The following PCDHGA8 variants were observed in gnomAD, a reference collection of about 807,000 sequenced individuals.
PCDHGA8 encodes the protein protocadherin gamma subfamily A, 8.
PCDHGA8 carries 45 observed loss-of-function variants against 59.2 expected under a neutral mutation model. The observed-to-expected ratio is 0.76, with a 90% confidence interval of 0.60 to 0.98. The LOEUF (loss-of-function observed/expected upper bound fraction) is 0.98. PCDHGA8 is among the 50% of genes least tolerant of loss of function. PCDHGA8 has a pLI of 0.00. For missense variants in PCDHGA8, 1,257 were observed against 1,196.2 expected (o/e 1.05, Z -0.75); for synonymous variants, 531 against 519.0 (o/e 1.02, Z -0.32).
chr5:141,510,847 AG>A, intron 3 of PCDHGA8, 99 bp from the exon 4 acceptor site: 3 of 1,595,350 alleles, frequency 1.9e-6, no homozygotes, highest in Non-Finnish European at 2.6e-6. Context: ...GTCAAGGCCC[AG>A]GGTGCTGTAT....
intron 1 of PCDHGA8, chr5:141,414,585 C>CA: frequency 6.2e-7 from 1 of 1,613,968 alleles, no homozygotes; most frequent in East Asian, 2.2e-5. Flanking sequence ...AGAACAACGC[C>CA]AGGGGTGCCT....
At position 141,431,782 on chromosome 5, in the gene PCDHGA8, C is replaced by A. The variant is rs767269112; in HGVS notation, c.2424+36545C>A. The A allele has an allele frequency of 6.2e-7, 1 of 1,614,082 alleles. No homozygotes were observed. On this transcript the variant is annotated intron_variant, in intron 1 of 3. Transcript: ENST00000398604. This position sits in a 1 kb window ranked among gnomAD's most constrained non-coding sequence, Gnocchi z 4.8. Reference sequence around the variant, plus strand: ...TCCTGATCACTGTTCTGGACGTGAACGACAATGCCCCAGAAGTGGTCCTCA... The same window carrying A: ...TCCTGATCACTGTTCTGGACGTGAAAGACAATGCCCCAGAAGTGGTCCTCA...
intron 1 of PCDHGA8, among the ~76,000 whole-genome samples, chr5:141,439,224 T>C (rs989512996): frequency 2.2e-4 from 33 of 152,030 alleles, no homozygotes; most frequent in Middle Eastern, 3.4e-3. Context: ...TGAAAATTCT[T>C]AGAAGCTTCC....
At chr5:141,457,330 A>G (rs2098916985) in intron 1 of PCDHGA8, among the ~76,000 whole-genome samples, 1 of 152,174 alleles carries the variant, frequency 6.6e-6, no homozygotes, top group Non-Finnish European at 1.5e-5. Flanking sequence ...GGTTACAGGT[A>G]CCTTACTTAC....
intron 1 of PCDHGA8, chr5:141,427,297 A>G (rs1292641772): frequency 2.2e-6 from 1 of 456,900 alleles, no homozygotes; most frequent in Non-Finnish European, 4.4e-6. Context: ...ATCCTAGATG[A>G]GAATGACAAT....
intron 1 of PCDHGA8, chr5:141,403,573 C>G: frequency 6.2e-7 from 1 of 1,613,946 alleles, no homozygotes; most frequent in South Asian, 1.1e-5. Context: ...AGGCAACTGC[C>G]CACCACCTGG....
At chr5:141,399,952 G>A in intron 1 of PCDHGA8, 1 of 1,612,186 alleles carries the variant, frequency 6.2e-7, no homozygotes, top group Non-Finnish European at 8.5e-7. Flanking sequence ...GCAGGCTAGC[G>A]AGCCCGGGCT....
chr5:141,487,033 A>T lies in PCDHGA8; in HGVS notation c.2425-7774A>T, dbSNP rs1465525110. ...AGGCCCCAGATCCCAGCCTGTTTGC[A>T]GTCTCTCGATATGCTGGGGAGGTGC... On this transcript the variant is annotated intron_variant, in intron 1 of 3. Coordinates refer to ENST00000398604, the MANE Select transcript of PCDHGA8 (RefSeq NM_032088.2). This position sits in a 1 kb window ranked among gnomAD's most constrained non-coding sequence, Gnocchi z 5.0. The T allele has an allele frequency of 6.2e-7, 1 of 1,614,042 alleles. No homozygotes were observed. The highest frequency in any genetic ancestry group is 8.5e-7 in the Non-Finnish European group (1 of 1,180,040).
In PCDHGA8 at chr5:141,491,928, G is replaced by T; in HGVS notation, c.2425-2879G>T. 1 of 1,301,482 alleles carries T rather than the reference G, an allele frequency of 7.7e-7. No homozygotes were observed. Among genetic ancestry groups the T allele is most frequent in the South Asian group, 1.6e-5 (1 of 63,466 alleles). 80.6% of individuals were successfully genotyped at this position (1,301,482 alleles called of 1,614,324 possible). A position where few individuals can be genotyped will look rare whatever the true frequency, so the allele number is the denominator to read the frequency against. On this transcript the variant is annotated intron_variant, in intron 1 of 3. Coordinates refer to ENST00000398604, the MANE Select transcript of PCDHGA8 (RefSeq NM_032088.2). The surrounding 1 kb of genome is among the most constrained non-coding windows in gnomAD (Gnocchi z 6.9). ...TGGTGGCGACTGTGGGCGAGGGGAG[G>T]TGGGACCGACCCCCACCCCTACACT... is the stretch of plus-strand genomic sequence containing the variant.
Position 141,393,407 on chromosome 5 carries a change from CG to C in PCDHGA8, c.595del (p.Ala199ProfsTer32). The C allele has an allele frequency of 5.0e-6, 8 of 1,614,056 alleles. No homozygotes were observed. The highest frequency in any genetic ancestry group is 6.8e-6 in the Non-Finnish European group (8 of 1,179,906). ...AINPELVLER[A>X]LDREEEAAHH... is the part of the protein sequence containing the mutation. ...TAAACCCAGAGCTGGTGCTGGAGCG[CG>C]CCCTGGACAGGGAGGAAGAGGCTGC... is the stretch of plus-strand genomic sequence containing the variant. On this transcript the variant is annotated frameshift_variant, in exon 1 of 4. Transcript: ENST00000398604. LOFTEE classifies it high-confidence loss of function.
chr5:141,398,663 C>T (rs2150753348), intron 1 of PCDHGA8: 2 of 1,614,016 alleles, frequency 1.2e-6, no homozygotes, highest in Non-Finnish European at 1.7e-6. Context: ...CCAAGTTTCT[C>T]ATTAATAATT....
chr5:141,476,554 G>A lies in PCDHGA8; in HGVS notation c.2425-18253G>A. On this transcript the variant is annotated intron_variant, in intron 1 of 3. Transcript: ENST00000398604. This position sits in a 1 kb window ranked among gnomAD's most constrained non-coding sequence, Gnocchi z 7.6. The stretch of plus-strand genomic sequence containing the variant: ...AGGAAATGAAATTGGAGATTAGCGA[G>A]GCCGTGGCTCCGGGGACGCGCTTTC... 1 of 1,614,232 alleles carries A rather than the reference G, an allele frequency of 6.2e-7. No individual in the cohort carries two copies. Among genetic ancestry groups the A allele is most frequent in the Non-Finnish European group, 8.5e-7 (1 of 1,180,036 alleles).
At chr5:141,450,445 T>C (rs1490338949) in intron 1 of PCDHGA8, among the ~76,000 whole-genome samples, 1 of 152,168 alleles carries the variant, frequency 6.6e-6, no homozygotes, top group East Asian at 1.9e-4. Context: ...ATTTGTTTTA[T>C]GTTTCCTCGT....
At chr5:141,500,438 T>C (rs977844035) in intron 2 of PCDHGA8, among the ~76,000 whole-genome samples, 2 of 151,816 alleles carry the variant, frequency 1.3e-5, no homozygotes, top group African/African-American at 4.8e-5. Flanking sequence ...CTCGATCTCC[T>C]GACCTCGTGA....
At chr5:141,449,566 G>A (rs1235137244) in intron 1 of PCDHGA8, among the ~76,000 whole-genome samples, 4 of 147,126 alleles carry the variant, frequency 2.7e-5, no homozygotes, top group East Asian at 4.0e-4. Context: ...TCCAGCCTGG[G>A]CGACAGAGCA....
chr5:141,459,573 T>TTC (rs2098970689), intron 1 of PCDHGA8, among the ~76,000 whole-genome samples: 1 of 152,208 alleles, frequency 6.6e-6, no homozygotes, highest in Non-Finnish European at 1.5e-5. Context: ...CAAAACAGAA[T>TTC]TGTTTTGGGG....
intron 1 of PCDHGA8, among the ~76,000 whole-genome samples, chr5:141,438,948 G>A (rs2154558298): frequency 6.6e-6 from 1 of 152,142 alleles, no homozygotes; most frequent in Middle Eastern, 3.4e-3. Context: ...TTATAGGCAT[G>A]AGCCACCGCA....
chr5:141,431,239 G>A lies in PCDHGA8; in HGVS notation c.2424+36002G>A. 6.2e-7 allele frequency: 1 copy of A among 1,614,152 alleles called. No homozygotes were observed. The highest frequency in any genetic ancestry group is 1.3e-5 in the African/African-American group (1 of 75,062). On this transcript the variant is annotated intron_variant, in intron 1 of 3. Transcript: ENST00000398604. This position sits in a 1 kb window ranked among gnomAD's most constrained non-coding sequence, Gnocchi z 4.8. ...TCCCTCTACCCCACGCCTGGGATCC[G>A]GATATCGGGAAGAACTCTCTGCAGA...
intron 1 of PCDHGA8, chr5:141,422,545 T>C: frequency 6.2e-7 from 1 of 1,614,000 alleles, no homozygotes; most frequent in Non-Finnish European, 8.5e-7. Context: ...AACTCATGTC[T>C]GGCTGAATGT....
Sources: allele counts gnomAD v4.1 joint callset (sites outside exome capture counted in the v4.1 genomes callset), GRCh38; gene constraint gnomAD v4.1.1; non-coding constraint Gnocchi (gnomAD v3.1); transcripts MANE v1.5; gene names NCBI Gene and HGNC (gene_info 2026-07-23, HGNC 2026-07-21).